CDK14: variants seen among roughly 807,000 people sequenced by gnomAD.
CDK14 encodes the protein cyclin-dependent kinase 14.
In CDK14, 34 loss-of-function variants were observed where a neutral mutation model predicts 60.7. The ratio of observed to expected loss-of-function variants is 0.56; its 90% confidence interval spans 0.43 to 0.75. The LOEUF is 0.75. Among genes scored for constraint, CDK14 ranks in the 30% least tolerant of loss-of-function variants. The probability of loss-of-function intolerance (pLI) is 0.00; values close to 1 mark genes in which losing one functional copy is unlikely to be tolerated. For missense variants in CDK14, 482 were observed against 564.1 expected (o/e 0.85, Z 1.47); for synonymous variants, 197 against 203.7 (o/e 0.97, Z 0.28).
chr7:90,677,488 A>G (rs1478942547), intron 2 of CDK14, among the ~76,000 whole-genome samples: 4 of 152,148 alleles, frequency 2.6e-5, no homozygotes, highest in African/African-American at 4.8e-5. Context: ...AAATAGAGAG[A>G]TGTTTGTAAA....
chr7:90,981,298 C>T (rs896624562), intron 9 of CDK14, among the ~76,000 whole-genome samples: 3 of 152,160 alleles, frequency 2.0e-5, no homozygotes, highest in Admixed American at 6.5e-5. Context: ...TAAAATAATT[C>T]TCTTGATACC....
At chr7:90,692,149 T>G (rs910521371) in intron 2 of CDK14, among the ~76,000 whole-genome samples, 3 of 152,232 alleles carry the variant, frequency 2.0e-5, no homozygotes, top group African/African-American at 4.8e-5. Context: ...AAAGATACAT[T>G]TGATTGCAAA....
chr7:90,925,030 A>G (rs1017465688), intron 8 of CDK14, among the ~76,000 whole-genome samples: 4 of 152,186 alleles, frequency 2.6e-5, no homozygotes, highest in African/African-American at 7.2e-5. Context: ...TTTTCAATAC[A>G]TGTCTGAAAA....
At chr7:91,071,954 G>A (rs1798161331) in intron 11 of CDK14, among the ~76,000 whole-genome samples, 4 of 152,180 alleles carry the variant, frequency 2.6e-5, no homozygotes, top group South Asian at 2.1e-4. Context: ...TCATGGGGAC[G>A]GGGCATCCCT....
At chr7:90,881,411 A>G (rs1791748981) in intron 6 of CDK14, among the ~76,000 whole-genome samples, 1 of 152,144 alleles carries the variant, frequency 6.6e-6, no homozygotes, top group African/African-American at 2.4e-5. Flanking sequence ...AAAATGAAAC[A>G]AGCCTCTAAG....
At chr7:90,748,576 T>C (rs1355889206) in intron 4 of CDK14, among the ~76,000 whole-genome samples, 1 of 152,226 alleles carries the variant, frequency 6.6e-6, no homozygotes, top group Non-Finnish European at 1.5e-5. Context: ...TCAAAATCTT[T>C]ATAGAAGATA....
At chr7:90,630,239 C>CT (rs1173107000) in intron 2 of CDK14, among the ~76,000 whole-genome samples, 2 of 152,114 alleles carry the variant, frequency 1.3e-5, no homozygotes, top group African/African-American at 4.8e-5. Context: ...CATGAGGCAG[C>CT]TTTTTTGTTG....
rs146777560 is a variant in CDK14 at position 90,967,596 on chromosome 7, C to G, written c.947+11779C>G. ...CAGTGAAATAACAAATTTATGAAAA[C>G]CAACCTGAAAAGAAAGCCATACACT... is the stretch of plus-strand genomic sequence containing the variant. On this transcript the variant is annotated intron_variant, in intron 9 of 14. Transcript: ENST00000380050. Among the ~76,000 whole-genome samples, 811 of 152,144 alleles carry G rather than the reference C, an allele frequency of 5.3e-3. 8 individuals are homozygous for G. The highest frequency in any genetic ancestry group is 0.018 in the African/African-American group (764 of 41,498).
chr7:90,804,852 A>G (rs956438593), intron 5 of CDK14, among the ~76,000 whole-genome samples: 6 of 152,172 alleles, frequency 3.9e-5, no homozygotes, highest in Non-Finnish European at 7.4e-5. Context: ...GGAGGATTAC[A>G]TAAACAGTTC....
intron 14 of CDK14, among the ~76,000 whole-genome samples, chr7:91,137,349 G>A (rs1357496224): frequency 8.5e-5 from 13 of 152,098 alleles, no homozygotes; most frequent in South Asian, 4.1e-4. Flanking sequence ...AGGTCAGGCC[G>A]CTGGGGGCCA....
chr7:91,001,695 G>A (rs1373587953), intron 10 of CDK14, among the ~76,000 whole-genome samples: 1 of 152,184 alleles, frequency 6.6e-6, no homozygotes, highest in Non-Finnish European at 1.5e-5. Flanking sequence ...ATTAGGATAT[G>A]TGGCAGTAAT....
chr7:90,773,196 A>T (rs957912513), intron 4 of CDK14, among the ~76,000 whole-genome samples: 3 of 152,230 alleles, frequency 2.0e-5, no homozygotes, highest in Admixed American at 2.0e-4. Flanking sequence ...AGTACTTTTG[A>T]TGAACAAAGG....
chr7:90,811,710 T>C (rs1282014084), intron 5 of CDK14, among the ~76,000 whole-genome samples: 9 of 151,640 alleles, frequency 5.9e-5, no homozygotes, highest in South Asian at 2.1e-4. Flanking sequence ...ATTTTCGCAA[T>C]CTACTCATCT....
At chr7:90,740,092 T>C (rs1202202118) in intron 3 of CDK14, among the ~76,000 whole-genome samples, 1 of 151,796 alleles carries the variant, frequency 6.6e-6, no homozygotes, top group Non-Finnish European at 1.5e-5. Context: ...AGCTCATCAT[T>C]GTAATCATAG....
chr7:91,049,556 G>A (rs1406444833), intron 11 of CDK14, among the ~76,000 whole-genome samples: 4 of 152,254 alleles, frequency 2.6e-5, no homozygotes, highest in South Asian at 2.1e-4. Context: ...TGTTATAGGT[G>A]TATGTACAAA....
intron 4 of CDK14, among the ~76,000 whole-genome samples, chr7:90,749,169 G>A (rs1317310247): frequency 6.6e-6 from 1 of 152,178 alleles, no homozygotes; most frequent in African/African-American, 2.4e-5. Flanking sequence ...TGTAAAAATG[G>A]TGCAGGGAGC....
chr7:90,607,237 TTC>T (rs1313195503), intron 2 of CDK14, among the ~76,000 whole-genome samples: 2 of 152,236 alleles, frequency 1.3e-5, no homozygotes, highest in Non-Finnish European at 2.9e-5. Context: ...GTTTTTTACC[TTC>T]TCTCTCCTGG....
rs574089310 is a variant in CDK14, at chr7:90,888,275, G to A, written c.640-11016G>A. ...TGAGGCAGGAGAATCGCTTGAACCCGGAAGGCAGAGGTTCCAGTAAGCTGA... is the reference window on the plus strand; with the variant it reads ...TGAGGCAGGAGAATCGCTTGAACCCAGAAGGCAGAGGTTCCAGTAAGCTGA... On this transcript the variant is annotated intron_variant, in intron 6 of 14. Transcript: ENST00000380050. Among the ~76,000 whole-genome samples, 21 of 152,106 alleles carry A rather than the reference G, an allele frequency of 1.4e-4. No individual in the cohort carries two copies. The South Asian group carries it at 3.9e-3, about 29-fold the overall frequency.
intron 1 of CDK14, among the ~76,000 whole-genome samples, chr7:90,601,116 G>A (rs1008573147): frequency 6.6e-6 from 1 of 152,252 alleles, no homozygotes; most frequent in Non-Finnish European, 1.5e-5. Context: ...AGGAAGGACT[G>A]TCTGAGCAGA....
Sources: gnomAD v4.1 joint callset for allele counts (sites outside exome capture counted in the v4.1 genomes callset) on GRCh38, gnomAD v4.1.1 for gene constraint, MANE v1.5 for transcripts, NCBI Gene and HGNC (gene_info 2026-07-23, HGNC 2026-07-21) for gene names.